The following SHISA9 variants were observed in gnomAD, a reference collection of about 807,000 sequenced individuals.
SHISA9 encodes protein shisa-9.
Under a neutral mutation model 38.0 loss-of-function variants are expected in SHISA9, and 13 were observed. That is an observed-to-expected ratio of 0.34 (90% confidence interval 0.22 to 0.54). SHISA9 has a LOEUF of 0.54. Ranked by LOEUF, SHISA9 falls within the 20% of genes least tolerant of loss-of-function variation. The probability of loss-of-function intolerance (pLI) is 0.91; values close to 1 mark genes in which losing one functional copy is unlikely to be tolerated. For synonymous variants in SHISA9, 275 were observed against 242.0 expected (o/e 1.14, Z -1.27); for missense variants, 538 against 575.8 (o/e 0.93, Z 0.67).
chr16:12,974,921 T>G (rs993112635), intron 2 of SHISA9, among the ~76,000 whole-genome samples: 4 of 152,304 alleles, frequency 2.6e-5, no homozygotes, highest in East Asian at 1.9e-4. Flanking sequence ...TGTATCTATA[T>G]CTATCTCTCT....
At chr16:13,518,680 TAGC>T in the SHISA9 span, among the ~76,000 whole-genome samples, 4 of 152,228 alleles carry the variant, frequency 2.6e-5, no homozygotes, top group Admixed American at 6.5e-5. Context: ...TTTCCAAAAG[TAGC>T]ATCTTTATTT....
intron 1 of SHISA9, among the ~76,000 whole-genome samples, chr16:12,913,027 C>T (rs2071206769): frequency 6.6e-6 from 1 of 151,494 alleles, no homozygotes. Context: ...TCCTGATTTA[C>T]ACCGAATCTC....
At chr16:12,938,486 T>TTC (rs752037617) in intron 2 of SHISA9, among the ~76,000 whole-genome samples, 16 of 151,882 alleles carry the variant, frequency 1.1e-4, no homozygotes, top group Non-Finnish European at 1.6e-4. Flanking sequence ...TAGGGGCTAA[T>TTC]TCTCTCTCTC....
intron 4 of SHISA9, among the ~76,000 whole-genome samples, chr16:13,234,341 A>G (rs528301147): frequency 6.6e-6 from 1 of 152,352 alleles, no homozygotes; most frequent in Non-Finnish European, 1.5e-5. Flanking sequence ...AGCACTTTAC[A>G]CAGATCATAT....
At chr16:13,408,760 C>T in the SHISA9 span, among the ~76,000 whole-genome samples, 18 of 152,266 alleles carry the variant, frequency 1.2e-4, no homozygotes, top group African/African-American at 4.3e-4. Context: ...CTACAGTTCC[C>T]ATTGCAATAC....
chr16:13,450,570 G>C, the SHISA9 span, among the ~76,000 whole-genome samples: 1 of 152,132 alleles, frequency 6.6e-6, no homozygotes, highest in African/African-American at 2.4e-5. Flanking sequence ...GATATTTATT[G>C]ATCACCTGCT....
chr16:13,408,719 C>CA, the SHISA9 span, among the ~76,000 whole-genome samples: 1 of 152,202 alleles, frequency 6.6e-6, no homozygotes, highest in African/African-American at 2.4e-5. Context: ...TCATACATTT[C>CA]AAACCTGTTT....
At chr16:13,560,765 A>C in the SHISA9 span, among the ~76,000 whole-genome samples, 1 of 152,044 alleles carries the variant, frequency 6.6e-6, no homozygotes. Context: ...AAAAAAAAAA[A>C]AAAAAGCAGA....
At chr16:13,044,691 C>T (rs998267502) in intron 2 of SHISA9, among the ~76,000 whole-genome samples, 1 of 152,108 alleles carries the variant, frequency 6.6e-6, no homozygotes, top group Non-Finnish European at 1.5e-5. Context: ...ATGAAGGCTC[C>T]GAGGTGAGAG....
At chr16:13,022,238 A>G (rs190074516) in intron 2 of SHISA9, among the ~76,000 whole-genome samples, 3 of 150,738 alleles carry the variant, frequency 2.0e-5, no homozygotes, top group Admixed American at 2.0e-4. Flanking sequence ...TGCAGCTTTG[A>G]ATTCCTGGAC....
At chr16:13,042,187 A>C (rs776262916) in intron 2 of SHISA9, among the ~76,000 whole-genome samples, 2 of 152,214 alleles carry the variant, frequency 1.3e-5, no homozygotes, top group Non-Finnish European at 2.9e-5. Flanking sequence ...CCACAAGGAC[A>C]CTGGGAATCT....
intron 1 of SHISA9, chr16:12,910,403 C>CAA: frequency 1.1e-6 from 1 of 934,604 alleles, no homozygotes; most frequent in Non-Finnish European, 1.3e-6. Flanking sequence ...ATGAATAGTA[C>CAA]AAAAGCAATC....
intron 2 of SHISA9, among the ~76,000 whole-genome samples, chr16:13,100,737 C>T (rs768957466): frequency 5.9e-5 from 9 of 152,210 alleles, no homozygotes; most frequent in East Asian, 3.9e-4. Flanking sequence ...GATGAGGTTT[C>T]GCTCTTGTTG....
Position 12,990,980 on chromosome 16 carries a change from C to T in SHISA9, c.691+74165C>T, listed in dbSNP as rs192447762. ...AATATCAAATAGCTTTCCAGAAATA[C>T]AGAAATATTATTCTTCCAACAACAG... On this transcript the variant is annotated intron_variant, in intron 2 of 4. Transcript: ENST00000558583. Among the ~76,000 whole-genome samples the T allele has an allele frequency of 3.0e-3, 454 of 152,272 alleles. 3 individuals are homozygous for T. The highest frequency in any genetic ancestry group is 0.011 in the African/African-American group (438 of 41,544).
the SHISA9 span, among the ~76,000 whole-genome samples, chr16:13,493,778 C>G: frequency 6.6e-6 from 1 of 152,096 alleles, no homozygotes; most frequent in Non-Finnish European, 1.5e-5. Context: ...TCATTCACCT[C>G]TATGTGCTAA....
At chr16:13,180,126 C>T (rs1048361061) in intron 2 of SHISA9, among the ~76,000 whole-genome samples, 35 of 152,194 alleles carry the variant, frequency 2.3e-4, no homozygotes, top group African/African-American at 6.3e-4. Flanking sequence ...TTACAATGTA[C>T]GTGGAACATT....
chr16:13,219,314 T>C (rs963672263), intron 4 of SHISA9, among the ~76,000 whole-genome samples: 2 of 152,210 alleles, frequency 1.3e-5, no homozygotes, highest in Non-Finnish European at 2.9e-5. Context: ...ATATATTTTG[T>C]TAATAAATTA....
chr16:13,333,310 C>G, the SHISA9 span, among the ~76,000 whole-genome samples: 212 of 152,298 alleles, frequency 1.4e-3, no homozygotes, highest in African/African-American at 5.0e-3. Context: ...ATTCTTCAGG[C>G]AATCTGGAGC....
the SHISA9 span, among the ~76,000 whole-genome samples, chr16:13,490,765 C>A: frequency 6.8e-4 from 103 of 152,334 alleles, no homozygotes; most frequent in African/African-American, 2.2e-3. Context: ...AAGCACTTAG[C>A]ACTTAGAAGG....
Sources: allele counts gnomAD v4.1 joint callset (sites outside exome capture counted in the v4.1 genomes callset), GRCh38; gene constraint gnomAD v4.1.1; transcripts MANE v1.5; gene names NCBI Gene and HGNC (gene_info 2026-07-23, HGNC 2026-07-21).